Variants in FYB1 observed in about 807,000 individuals in gnomAD.
FYB1 encodes the protein FYN-binding protein 1.
FYB1 carries 41 observed loss-of-function variants against 94.1 expected under a neutral mutation model. The ratio of observed to expected loss-of-function variants is 0.44; its 90% confidence interval spans 0.34 to 0.57. The LOEUF (loss-of-function observed/expected upper bound fraction) is 0.57. Among genes scored for constraint, FYB1 ranks in the 20% least tolerant of loss-of-function variants. FYB1 has a pLI of 0.02. For synonymous variants in FYB1, 367 were observed against 353.2 expected (o/e 1.04, Z -0.44); for missense variants, 1,050 against 976.8 (o/e 1.07, Z -1.00).
Position 39,202,428 on chromosome 5 carries a change from C to G in FYB1, c.533G>C (p.Gly178Ala). ...QAFPKLTGVK[G>A]KFMSASQDLE... is the part of the protein sequence containing the mutation. ...ATCTTGTGATGCTGACATAAATTTC[C>G]CTTTAACCCCAGTCAATTTGGGAAA... The change falls in exon 2 of 19, where the codon GGG becomes GCG. Residue 178 changes from glycine to alanine, a missense_variant. Transcript: ENST00000512982. The G allele has an allele frequency of 6.2e-7, 1 of 1,613,668 alleles. No homozygotes were observed. Among genetic ancestry groups the G allele is most frequent in the Non-Finnish European group, 8.5e-7 (1 of 1,179,824 alleles).
chr5:39,243,480 G>A (rs1326093992), intron 1 of FYB1, among the ~76,000 whole-genome samples: 1 of 151,812 alleles, frequency 6.6e-6, no homozygotes, highest in African/African-American at 2.4e-5. Context: ...TGAGGGCTCT[G>A]TTCTGTTCCA....
chr5:39,179,705 C>G (rs1302649820), intron 2 of FYB1, among the ~76,000 whole-genome samples: 1 of 152,098 alleles, frequency 6.6e-6, no homozygotes, highest in African/African-American at 2.4e-5. Flanking sequence ...TCTCAAACTC[C>G]TGACCTCAGG....
intron 2 of FYB1, among the ~76,000 whole-genome samples, chr5:39,185,083 A>G (rs1371964357): frequency 1.3e-5 from 2 of 152,192 alleles, no homozygotes; most frequent in African/African-American, 4.8e-5. Flanking sequence ...AATCTAAGTT[A>G]AAATTCTCTT....
At chr5:39,251,042 T>C (rs1482197383) in intron 1 of FYB1, among the ~76,000 whole-genome samples, 3 of 152,200 alleles carry the variant, frequency 2.0e-5, no homozygotes, top group Admixed American at 1.3e-4. Flanking sequence ...TGATGATTTA[T>C]AGCAACCTTT....
intron 2 of FYB1, among the ~76,000 whole-genome samples, chr5:39,182,368 C>T (rs984950194): frequency 3.7e-4 from 55 of 148,846 alleles, no homozygotes; most frequent in East Asian, 4.1e-4. Flanking sequence ...TATCATGTAC[C>T]GGTGCTATTT....
At chr5:39,270,949 T>TGC (rs1752648562) in intron 1 of FYB1, 1 of 189,580 alleles carries the variant, frequency 5.3e-6, no homozygotes, top group Non-Finnish European at 1.1e-5. Flanking sequence ...TGTGTGTGTG[T>TGC]CTCCATCTCT....
intron 4 of FYB1, chr5:39,139,577 T>TA (rs1341267729): frequency 1.2e-5 from 2 of 166,374 alleles, no homozygotes; most frequent in Non-Finnish European, 2.6e-5. Context: ...AAAAAGGTAT[T>TA]AAAAAATCAC....
chr5:39,170,762 T>G (rs909073494), intron 2 of FYB1, among the ~76,000 whole-genome samples: 4 of 152,188 alleles, frequency 2.6e-5, no homozygotes, highest in Non-Finnish European at 5.9e-5. Context: ...AATTCCAAAC[T>G]GTGACCTTCT....
chr5:39,137,885 A>G, intron 6 of FYB1, 165 bp from the exon 7 acceptor site: 9 of 843,664 alleles, frequency 1.1e-5, no homozygotes, highest in Non-Finnish European at 1.6e-5. Context: ...GATTATTTTT[A>G]AAACCAGTAG....
chr5:39,262,702 A>G (rs1752273796), intron 1 of FYB1, among the ~76,000 whole-genome samples: 1 of 152,228 alleles, frequency 6.6e-6, no homozygotes, highest in African/African-American at 2.4e-5. Flanking sequence ...TACATGAATA[A>G]ATTACAATAG....
chr5:39,117,636 C>T (rs970899541), intron 16 of FYB1, among the ~76,000 whole-genome samples: 26 of 152,140 alleles, frequency 1.7e-4, no homozygotes, highest in Non-Finnish European at 3.2e-4. Flanking sequence ...TTTCCTCCAC[C>T]CTTGAGTCAC....
chr5:39,107,745 T>C (rs554056810), intron 18 of FYB1, among the ~76,000 whole-genome samples: 1 of 152,156 alleles, frequency 6.6e-6, no homozygotes, highest in South Asian at 2.1e-4. Flanking sequence ...TGGTAGTCAC[T>C]CTGAACGAGG....
At chr5:39,140,460 C>T (rs1353237047) in intron 4 of FYB1, among the ~76,000 whole-genome samples, 3 of 152,144 alleles carry the variant, frequency 2.0e-5, no homozygotes, top group Non-Finnish European at 4.4e-5. Flanking sequence ...AAATGGAAAG[C>T]TGAATAACAG....
intron 16 of FYB1, among the ~76,000 whole-genome samples, chr5:39,115,358 G>T (rs1278968113): frequency 1.3e-5 from 2 of 152,064 alleles, no homozygotes; most frequent in East Asian, 3.9e-4. Context: ...GCCTCCCAAA[G>T]TCCTGGGATT....
chr5:39,268,188 A>C (rs1475123586), intron 1 of FYB1, among the ~76,000 whole-genome samples: 2 of 151,996 alleles, frequency 1.3e-5, no homozygotes, highest in African/African-American at 4.8e-5. Context: ...AGTTGACAGA[A>C]TTATAGAACA....
chr5:39,227,857 T>C (rs1309552556), intron 1 of FYB1, among the ~76,000 whole-genome samples: 2 of 152,210 alleles, frequency 1.3e-5, no homozygotes, highest in Non-Finnish European at 2.9e-5. Context: ...TTTGAAATTC[T>C]CCTCCTGATT....
chr5:39,243,770 T>C (rs1335115357), intron 1 of FYB1, among the ~76,000 whole-genome samples: 1 of 152,224 alleles, frequency 6.6e-6, no homozygotes, highest in African/African-American at 2.4e-5. Context: ...TTCCTATCCA[T>C]GAGCATGGAA....
chr5:39,250,005 T>C (rs1751647409), intron 1 of FYB1, among the ~76,000 whole-genome samples: 1 of 152,200 alleles, frequency 6.6e-6, no homozygotes, highest in Non-Finnish European at 1.5e-5. Context: ...TCATGAGATC[T>C]GATGGTTTTA....
chr5:39,242,593 T>A (rs1345245547), intron 1 of FYB1, among the ~76,000 whole-genome samples: 1 of 152,154 alleles, frequency 6.6e-6, no homozygotes, highest in Non-Finnish European at 1.5e-5. Context: ...AGTGCCACAA[T>A]AAACATATGT....
Sources: allele counts gnomAD v4.1 joint callset (sites outside exome capture counted in the v4.1 genomes callset), GRCh38; gene constraint gnomAD v4.1.1; transcripts MANE v1.5; gene names NCBI Gene and HGNC (gene_info 2026-07-23, HGNC 2026-07-21).